The following ASAP1 variants were observed in gnomAD, a reference collection of about 807,000 sequenced individuals.
ASAP1 encodes the protein arf-GAP with SH3 domain, ANK repeat and PH domain-containing protein 1.
A neutral mutation model predicts 145.2 loss-of-function variants in ASAP1; 43 were observed. The observed-to-expected ratio is 0.30, with a 90% CI of 0.23 to 0.38. The LOEUF (loss-of-function observed/expected upper bound fraction) is 0.38, where lower values mean the gene tolerates loss of function less well. Among genes scored for constraint, ASAP1 ranks in the 10% least tolerant of loss-of-function variants. The pLI, the probability that ASAP1 is intolerant of heterozygous loss-of-function variation, is 1.00. For missense variants in ASAP1, 1,018 were observed against 1,355.3 expected, an observed-to-expected ratio of 0.75 and a Z score of 3.91; for synonymous variants, 546 against 515.5, an observed-to-expected ratio of 1.06 and a Z score of -0.80.
intron 3 of ASAP1, among the ~76,000 whole-genome samples, chr8:130,353,510 A>T (rs1826122755): frequency 6.6e-6 from 1 of 152,180 alleles, no homozygotes; most frequent in Non-Finnish European, 1.5e-5. Flanking sequence ...GTTCCCTATA[A>T]AGCCACTGAA....
At chr8:130,347,659 T>C (rs1002807591) in intron 3 of ASAP1, among the ~76,000 whole-genome samples, 1 of 152,126 alleles carries the variant, frequency 6.6e-6, no homozygotes, top group African/African-American at 2.4e-5. Context: ...AACCCCCTCA[T>C]CCTGGCCAAA....
chr8:130,356,868 G>C lies in ASAP1; in HGVS notation c.186+1149C>G, dbSNP rs1252250961. Among the ~76,000 whole-genome samples the C allele has an allele frequency of 6.6e-5, 10 of 152,242 alleles. No individual in the cohort carries two copies. The East Asian group carries it at 1.9e-3, about 29-fold the overall frequency. ...GCCCAAGCTTCCCCATATTACAGAG[G>C]TCCGTCCTTGGGGTGGGGGGCTTAC... On this transcript the variant is annotated intron_variant, in intron 3 of 29. Transcript: ENST00000518721.
At chr8:130,359,874 C>T (rs918180676) in intron 2 of ASAP1, among the ~76,000 whole-genome samples, 3 of 151,634 alleles carry the variant, frequency 2.0e-5, no homozygotes, top group Admixed American at 6.6e-5. Flanking sequence ...CCACCCGCCT[C>T]GGCCTCCCAA....
At chr8:130,088,233 C>A (rs903726511) in intron 25 of ASAP1, among the ~76,000 whole-genome samples, 2 of 152,146 alleles carry the variant, frequency 1.3e-5, no homozygotes, top group African/African-American at 4.8e-5. Flanking sequence ...CGAATTCAAG[C>A]GATTCTCCTG....
chr8:130,242,334 T>C (rs1818591038), intron 3 of ASAP1, among the ~76,000 whole-genome samples: 1 of 151,050 alleles, frequency 6.6e-6, no homozygotes, highest in African/African-American at 2.4e-5. Context: ...GCTTCCATTG[T>C]ATTGCTTTAT....
In ASAP1 at chr8:130,097,895, C is replaced by T. The variant is rs185499923; in HGVS notation, c.2402-5752G>A. Among the ~76,000 whole-genome samples the T allele has an allele frequency of 5.3e-5, 8 of 152,160 alleles. No individual in the cohort carries two copies. The East Asian group carries it at 1.5e-3, about 29-fold the overall frequency. ...CAGCAAGGCAATCTCTCCACTTAGCCCAGAAAAAATGTCCTGGAAATTCAT... is the reference window on the plus strand; with the variant it reads ...CAGCAAGGCAATCTCTCCACTTAGCTCAGAAAAAATGTCCTGGAAATTCAT... On this transcript the variant is annotated intron_variant, in intron 24 of 29. Coordinates refer to ENST00000518721, the MANE Select transcript of ASAP1 (RefSeq NM_018482.4).
chr8:130,054,687 G>A lies in ASAP1; in HGVS notation c.*44C>T. The A allele has an allele frequency of 6.5e-7, 1 of 1,542,526 alleles. No individual in the cohort carries two copies. The highest frequency in any genetic ancestry group is 1.1e-5 in the South Asian group (1 of 89,532). On this transcript the variant is annotated 3_prime_UTR_variant, in exon 30 of 30. Coordinates refer to ENST00000518721, the MANE Select transcript of ASAP1 (RefSeq NM_018482.4). Reference sequence around the variant, plus strand: ...TGCCCAGGGTTACATGAAGGCAGCAGTCTTGCATGAAGGATGTGGACAATC... The same window carrying A: ...TGCCCAGGGTTACATGAAGGCAGCAATCTTGCATGAAGGATGTGGACAATC...
At chr8:130,196,029 A>T (rs557028879) in intron 5 of ASAP1, among the ~76,000 whole-genome samples, 21 of 152,218 alleles carry the variant, frequency 1.4e-4, no homozygotes, top group Non-Finnish European at 2.8e-4. Flanking sequence ...AACTGATCAG[A>T]TCCCAAAGAA....
At chr8:130,187,154 C>T in intron 7 of ASAP1, 82 bp downstream of exon 7, 1 of 1,226,828 alleles carries the variant, frequency 8.2e-7, no homozygotes, top group Admixed American at 2.3e-5. Context: ...GTCCTTTTTC[C>T]AGTTAAGTTT....
chr8:130,197,517 G>A (rs948491902), intron 5 of ASAP1, among the ~76,000 whole-genome samples: 2 of 152,202 alleles, frequency 1.3e-5, no homozygotes, highest in African/African-American at 2.4e-5. Flanking sequence ...GAGGTGGCTC[G>A]TTTTACACAC....
At chr8:130,140,946 T>G (rs983293455) in intron 13 of ASAP1, among the ~76,000 whole-genome samples, 1 of 152,232 alleles carries the variant, frequency 6.6e-6, no homozygotes, top group Admixed American at 6.5e-5. Context: ...ACTACAGTAA[T>G]AATTGTAACT....
At chr8:130,222,052 C>A (rs1036311472) in intron 4 of ASAP1, among the ~76,000 whole-genome samples, 1 of 152,192 alleles carries the variant, frequency 6.6e-6, no homozygotes, top group Non-Finnish European at 1.5e-5. Flanking sequence ...CAGCCTTTTA[C>A]CCCGTGGACA....
intron 3 of ASAP1, among the ~76,000 whole-genome samples, chr8:130,317,121 T>C (rs1266611658): frequency 1.3e-5 from 2 of 151,564 alleles, no homozygotes; most frequent in Non-Finnish European, 2.9e-5. Flanking sequence ...CAGCTGTCTA[T>C]AACAAAACTT....
At chr8:130,262,817 T>A (rs557245761) in intron 3 of ASAP1, among the ~76,000 whole-genome samples, 2 of 152,314 alleles carry the variant, frequency 1.3e-5, no homozygotes, top group African/African-American at 4.8e-5. Flanking sequence ...CACAAAAGCC[T>A]GTTCCATGAC....
In ASAP1 at chr8:130,309,202, T is replaced by C. The variant is rs2137517171; in HGVS notation, c.186+48815A>G. ...AAAGCACAATGCTTGCTTTGGGGCA[T>C]AGTCCCTTTTTACGAAATTCAGTCT... is the stretch of plus-strand genomic sequence containing the variant. On this transcript the variant is annotated intron_variant, in intron 3 of 29. Transcript: ENST00000518721. 1.3e-5 allele frequency among the ~76,000 whole-genome samples: 2 copies of C among 152,314 alleles called. 1 individual carries two copies. The highest frequency in any genetic ancestry group is 4.8e-5 in the African/African-American group (2 of 41,560).
intron 13 of ASAP1, among the ~76,000 whole-genome samples, chr8:130,146,170 T>C (rs1435758476): frequency 6.6e-6 from 1 of 152,058 alleles, no homozygotes; most frequent in African/African-American, 2.4e-5. Flanking sequence ...CTATTATTTC[T>C]TATATTAGGA....
intron 3 of ASAP1, among the ~76,000 whole-genome samples, chr8:130,305,409 C>A (rs932904111): frequency 6.6e-6 from 1 of 152,146 alleles, no homozygotes; most frequent in African/African-American, 2.4e-5. Flanking sequence ...TCCAGTGGTG[C>A]GATCTCGGCT....
chr8:130,222,288 A>G (rs368505346), intron 4 of ASAP1, among the ~76,000 whole-genome samples: 29 of 152,336 alleles, frequency 1.9e-4, no homozygotes, highest in African/African-American at 6.7e-4. Flanking sequence ...CAAACTGGGC[A>G]ATATTCACAA....
chr8:130,285,995 C>G (rs919997409), intron 3 of ASAP1, among the ~76,000 whole-genome samples: 3 of 152,206 alleles, frequency 2.0e-5, no homozygotes, highest in African/African-American at 7.2e-5. Flanking sequence ...TCTGATATAT[C>G]TATTATTTTT....
Sources: allele counts gnomAD v4.1 joint callset (sites outside exome capture counted in the v4.1 genomes callset), GRCh38; gene constraint gnomAD v4.1.1; transcripts MANE v1.5; gene names NCBI Gene and HGNC (gene_info 2026-07-23, HGNC 2026-07-21).